Variants in NRG1 observed in about 807,000 individuals in gnomAD.
The protein encoded by NRG1 is pro-neuregulin-1, membrane-bound isoform.
NRG1 carries 18 observed loss-of-function variants against 63.8 expected under a neutral mutation model. The observed-to-expected ratio is 0.28, with a 90% CI of 0.19 to 0.42. The LOEUF is 0.42. Ranked by LOEUF, NRG1 falls within the 10% of genes least tolerant of loss-of-function variation. The probability of loss-of-function intolerance (pLI) is 1.00; values close to 1 mark genes in which losing one functional copy is unlikely to be tolerated. For synonymous variants in NRG1, 302 were observed against 301.3 expected, an observed-to-expected ratio of 1.00 and a Z score of -0.02; for missense variants, 762 against 814.7, an observed-to-expected ratio of 0.94 and a Z score of 0.79.
intron 5 of NRG1, chr8:32,647,889 T>C: frequency 1.2e-6 from 2 of 1,614,140 alleles, no homozygotes; most frequent in Non-Finnish European, 1.7e-6. Flanking sequence ...GGCCGTGCCC[T>C]GCTGTGCGTG....
chr8:32,338,220 G>A (rs1384323133), intron 1 of NRG1, among the ~76,000 whole-genome samples: 1 of 152,188 alleles, frequency 6.6e-6, no homozygotes, highest in African/African-American at 2.4e-5. Flanking sequence ...GGTACCATGT[G>A]AAAGAATAAA....
intron 1 of NRG1, among the ~76,000 whole-genome samples, chr8:32,486,062 G>C (rs540665043): frequency 5.0e-4 from 76 of 151,664 alleles, no homozygotes; most frequent in African/African-American, 1.7e-3. Context: ...CAAGTAGCTG[G>C]GATTACAGGC....
At position 32,705,979 on chromosome 8, in the gene NRG1, G is replaced by A. The variant is rs914839062; in HGVS notation, c.503-21970G>A. On this transcript the variant is annotated intron_variant, in intron 5 of 11. Transcript: ENST00000356819. ...TATAAATTTCTTTTTAAAAATTGTGGCCATATTTTAAGACACAGAGGGAGG... is the reference window on the plus strand; with the variant it reads ...TATAAATTTCTTTTTAAAAATTGTGACCATATTTTAAGACACAGAGGGAGG... Among the ~76,000 whole-genome samples, 5 of 152,156 alleles carry A rather than the reference G, an allele frequency of 3.3e-5. No homozygotes were observed. The East Asian group carries it at 9.6e-4, about 29-fold the overall frequency.
intron 1 of NRG1, among the ~76,000 whole-genome samples, chr8:32,539,830 T>C (rs1832395675): frequency 6.6e-6 from 1 of 152,112 alleles, no homozygotes; most frequent in Non-Finnish European, 1.5e-5. Flanking sequence ...CAGAAAGTCA[T>C]GCCACTGAGA....
chr8:32,436,831 T>G (rs1818852926), intron 1 of NRG1, among the ~76,000 whole-genome samples: 1 of 152,122 alleles, frequency 6.6e-6, no homozygotes, highest in Non-Finnish European at 1.5e-5. Context: ...TTAAAAGTTT[T>G]AAAGATAAAG....
chr8:32,054,532 G>T (rs1349634567), intron 1 of NRG1, among the ~76,000 whole-genome samples: 1 of 152,200 alleles, frequency 6.6e-6, no homozygotes, highest in Non-Finnish European at 1.5e-5. Context: ...ATGTGTTATT[G>T]TTAAAGCATT....
intron 5 of NRG1, among the ~76,000 whole-genome samples, chr8:32,659,905 G>C (rs1360223445): frequency 6.6e-6 from 1 of 152,072 alleles, no homozygotes; most frequent in Non-Finnish European, 1.5e-5. Flanking sequence ...CAAATTAGAT[G>C]ATGGGACCCC....
At chr8:31,643,771 G>A (rs1804029140) in intron 1 of NRG1, among the ~76,000 whole-genome samples, 1 of 152,136 alleles carries the variant, frequency 6.6e-6, no homozygotes, top group African/African-American at 2.4e-5. Flanking sequence ...ATTCAAACAA[G>A]TCATTGTTTG....
chr8:32,284,382 G>T (rs1853242281), intron 1 of NRG1, among the ~76,000 whole-genome samples: 1 of 151,880 alleles, frequency 6.6e-6, no homozygotes, highest in Non-Finnish European at 1.5e-5. Flanking sequence ...CAATGTCGAG[G>T]CCAATCTCTT....
intron 5 of NRG1, among the ~76,000 whole-genome samples, chr8:32,669,518 A>G (rs952015103): frequency 7.9e-5 from 12 of 152,176 alleles, no homozygotes; most frequent in Admixed American, 1.3e-4. Context: ...ATAAAACCCA[A>G]TGGCTAACCG....
chr8:31,913,690 T>G (rs765475360), intron 1 of NRG1, among the ~76,000 whole-genome samples: 9 of 152,108 alleles, frequency 5.9e-5, no homozygotes, highest in Non-Finnish European at 1.0e-4. Flanking sequence ...TCTTAGGCGC[T>G]TCTCCTCCCA....
chr8:32,663,493 T>C (rs1431645262), intron 5 of NRG1, among the ~76,000 whole-genome samples: 1 of 152,170 alleles, frequency 6.6e-6, no homozygotes, highest in African/African-American at 2.4e-5. Flanking sequence ...TAGAGGTTTT[T>C]CTCCTTTCTC....
At chr8:32,257,460 T>C (rs538447405) in intron 1 of NRG1, among the ~76,000 whole-genome samples, 1 of 152,364 alleles carries the variant, frequency 6.6e-6, no homozygotes, top group East Asian at 1.9e-4. Flanking sequence ...AGAGGATCTC[T>C]TTGATAATGT....
intron 5 of NRG1, 99 bp from the exon 6 acceptor site, chr8:32,727,850 T>G: frequency 8.1e-7 from 1 of 1,229,578 alleles, no homozygotes; most frequent in Non-Finnish European, 1.2e-6. Flanking sequence ...AATCTGTACC[T>G]TATATGAACT....
rs943852518 is a variant in NRG1, at chr8:32,742,383, G to C, written c.633-292G>C. On this transcript the variant is annotated intron_variant, in intron 6 of 11. Transcript: ENST00000356819. This position sits in a 1 kb window ranked among gnomAD's most constrained non-coding sequence, Gnocchi z 4.2. ...AAGCCATCATATGGAAAACTGAGAT[G>C]AATAAAACATCGGATTTCATTTTAA... is the stretch of plus-strand genomic sequence containing the variant. Among the ~76,000 whole-genome samples, 1 of 152,002 alleles carries C rather than the reference G, an allele frequency of 6.6e-6. No individual in the cohort carries two copies. The highest frequency in any genetic ancestry group is 6.6e-5 in the Admixed American group (1 of 15,246).
intron 1 of NRG1, among the ~76,000 whole-genome samples, chr8:32,057,488 A>T (rs1019157948): frequency 6.6e-6 from 1 of 152,092 alleles, no homozygotes; most frequent in African/African-American, 2.4e-5. Context: ...TTTAATTGCC[A>T]CCTCATTAAT....
intron 1 of NRG1, among the ~76,000 whole-genome samples, chr8:32,392,860 T>C (rs1811951725): frequency 1.3e-5 from 2 of 151,012 alleles, no homozygotes; most frequent in Admixed American, 6.6e-5. Context: ...CAAGTACATG[T>C]GTTTTAAGTC....
At chr8:32,234,315 A>G (rs1563935596) in intron 1 of NRG1, among the ~76,000 whole-genome samples, 1 of 152,204 alleles carries the variant, frequency 6.6e-6, no homozygotes, top group Admixed American at 6.6e-5. Context: ...ATCTTCTATG[A>G]TTTCTCACTG....
rs536583262 is a variant in NRG1, at chr8:32,742,060, G to A, written c.633-615G>A. 3.7e-6 allele frequency: 6 copies of A among 1,613,412 alleles called. No homozygotes were observed. In the African/African-American group the frequency reaches 4.0e-5, roughly 11 times the overall value. ...ATGTACTGAGAATGTGCCCATGAAA[G>A]TCCAAAACCAAGAAAGTATGTCAAA... On this transcript the variant is annotated intron_variant, in intron 6 of 11. Coordinates refer to ENST00000356819, the Ensembl canonical transcript of NRG1. The surrounding 1 kb of genome is among the most constrained non-coding windows in gnomAD (Gnocchi z 4.2).
Sources: allele counts gnomAD v4.1 joint callset (sites outside exome capture counted in the v4.1 genomes callset), GRCh38; gene constraint gnomAD v4.1.1; non-coding constraint Gnocchi (gnomAD v3.1); transcripts MANE v1.5; gene names NCBI Gene and HGNC (gene_info 2026-07-23, HGNC 2026-07-21).